KNG1: variants seen among roughly 807,000 people sequenced by gnomAD.
KNG1 encodes kininogen-1.
Under a neutral mutation model 47.8 loss-of-function variants are expected in KNG1, and 23 were observed. The observed-to-expected ratio is 0.48, with a 90% CI of 0.35 to 0.68. The LOEUF is 0.68. KNG1 is among the 30% of genes least tolerant of loss of function. The pLI, the probability that KNG1 is intolerant of heterozygous loss-of-function variation, is 0.01. For synonymous variants in KNG1, 277 were observed against 277.0 expected, an observed-to-expected ratio of 1.00 and a Z score of 0.00; for missense variants, 762 against 790.2, an observed-to-expected ratio of 0.96 and a Z score of 0.43.
intron 2 of KNG1, 140 bp from the exon 3 acceptor site, chr3:186,722,297 T>G (rs1446362365): frequency 5.8e-6 from 4 of 684,928 alleles, no homozygotes; most frequent in Non-Finnish European, 1.0e-5. Flanking sequence ...TTTATTCTCA[T>G]GTCTCAAAAC....
At chr3:186,726,274 C>CT (rs774226752) in intron 4 of KNG1, among the ~76,000 whole-genome samples, 4,502 of 113,538 alleles carry the variant, frequency 0.04, 217 homozygotes, top group African/African-American at 0.12. Context: ...GACTTTTCTT[C>CT]TTTTTTTTTT....
rs939597741 is a variant in KNG1, at chr3:186,722,763, G to T, written c.391+242G>T. Among the ~76,000 whole-genome samples, 6 of 152,180 alleles carry T rather than the reference G, an allele frequency of 3.9e-5. No homozygotes were observed. The East Asian group carries it at 1.2e-3, about 29-fold the overall frequency. ...CTGCATTGTACCCAGTGTGTGCAAG[G>T]GCTCAACAGAAGGACCAGAAGACAT... On this transcript the variant is annotated intron_variant, in intron 3 of 9. Coordinates refer to ENST00000644859, the MANE Select transcript of KNG1 (RefSeq NM_001102416.3).
intron 3 of KNG1, among the ~76,000 whole-genome samples, chr3:186,723,238 G>A (rs1560062197): frequency 6.6e-6 from 1 of 151,970 alleles, no homozygotes; most frequent in African/African-American, 2.4e-5. Flanking sequence ...TCCATCACCT[G>A]GAATAGTTAT....
chr3:186,741,874 A>G lies in KNG1; in HGVS notation c.1478A>G (p.His493Arg), dbSNP rs946732413. The change falls in exon 10 of 10, where the codon CAT becomes CGT. Residue 493 changes from histidine to arginine, a missense_variant. Coordinates refer to ENST00000644859, the MANE Select transcript of KNG1 (RefSeq NM_001102416.3). Reference protein sequence around the residue: ...LEHQGGHVLDHGHKHKHGHGH... With the variant: ...LEHQGGHVLDRGHKHKHGHGH... ...CACCAAGGGGGCCATGTCCTTGACC[A>G]TGGACATAAGCATAAGCATGGTCAT... 1.2e-6 allele frequency: 2 copies of G among 1,613,920 alleles called. No homozygotes were observed. Among genetic ancestry groups the G allele is most frequent in the African/African-American group, 2.7e-5 (2 of 74,946 alleles).
chr3:186,725,173 T>A lies in KNG1; in HGVS notation c.477T>A (p.Ile159=), dbSNP rs1720322706. The change falls in exon 4 of 10, where the codon ATT becomes ATA. Residue 159 remains isoleucine, a synonymous_variant. Coordinates refer to ENST00000644859, the MANE Select transcript of KNG1 (RefSeq NM_001102416.3). Reference sequence around the variant, plus strand: ...CGCAGAGCCCAGACCTGGAGCCCATTCTGAGACACGGCATTCAGTACTTTA... The same window carrying A: ...CGCAGAGCCCAGACCTGGAGCCCATACTGAGACACGGCATTCAGTACTTTA... ...ISTQSPDLEP[I]LRHGIQYFNN... The A allele has an allele frequency of 3.7e-6, 6 of 1,614,176 alleles. No individual in the cohort carries two copies. The highest frequency in any genetic ancestry group is 5.1e-6 in the Non-Finnish European group (6 of 1,180,034).
chr3:186,718,003 CCCA>C lies in KNG1; in HGVS notation c.195+273_195+275del, dbSNP rs1720051492. The C allele has an allele frequency of 1.2e-5, 4 of 332,266 alleles. No homozygotes were observed. The Admixed American group carries it at 1.8e-4, about 15-fold the overall frequency. 20.6% of individuals were successfully genotyped at this position (332,266 alleles called of 1,614,324 possible). A position where few individuals can be genotyped will look rare whatever the true frequency, so the allele number is the denominator to read the frequency against. The stretch of plus-strand genomic sequence containing the variant: ...CACCCACCATCATCACCCACCACCA[CCCA>C]CCACCATCACCCACCACCCACCACC... On this transcript the variant is annotated intron_variant, in intron 1 of 9. Coordinates refer to ENST00000644859, the MANE Select transcript of KNG1 (RefSeq NM_001102416.3).
At chr3:186,722,544 C>T (rs1047607619) in intron 3 of KNG1, 23 bp downstream of exon 3, 1 of 1,557,906 alleles carries the variant, frequency 6.4e-7, no homozygotes, top group Non-Finnish European at 8.8e-7. Flanking sequence ...TCCTCTGGCA[C>T]TGCCCTGGTG....
At position 186,743,805 on chromosome 3, in the gene KNG1, C is replaced by G; in HGVS notation, c.*1474C>G. 5.0e-6 allele frequency: 8 copies of G among 1,588,478 alleles called. No homozygotes were observed. The highest frequency in any genetic ancestry group is 6.9e-6 in the Non-Finnish European group (8 of 1,156,644). ...TCTTGACCAATGGGCAGAATCTTCA[C>G]TCCAGGCACATAGCCCCAACCACCT... On this transcript the variant is annotated 3_prime_UTR_variant, in exon 10 of 10. Coordinates refer to ENST00000644859, the MANE Select transcript of KNG1 (RefSeq NM_001102416.3).
At chr3:186,727,024 G>GTT (rs963866950) in intron 4 of KNG1, among the ~76,000 whole-genome samples, 19 of 151,310 alleles carry the variant, frequency 1.3e-4, no homozygotes, top group Admixed American at 6.6e-4. Flanking sequence ...CGGTGTATGT[G>GTT]TGTGTGTGTG....
Position 186,717,714 on chromosome 3 carries a change from C to T in KNG1, c.172C>T (p.Arg58Cys), listed in dbSNP as rs745827350. The change falls in exon 1 of 10, where the codon CGC (arginine) becomes TGC (cysteine). Residue 58 changes from arginine to cysteine, a missense_variant. By Grantham distance (180) the Arg-to-Cys change is radical. Transcript: ENST00000644859. ...NQSNNQFVLY[R>C]ITEATKTVGS... ...AAGTAACAACCAGTTTGTATTGTACCGCATAACTGAAGCCACTAAGACGGT... is the reference window on the plus strand; with the variant it reads ...AAGTAACAACCAGTTTGTATTGTACTGCATAACTGAAGCCACTAAGACGGT... 7 of 1,612,654 alleles carry T rather than the reference C, an allele frequency of 4.3e-6. No individual in the cohort carries two copies. The highest frequency in any genetic ancestry group is 1.7e-5 in the Admixed American group (1 of 60,012).
At chr3:186,737,515 ATATT>A (rs1334202629) in intron 7 of KNG1, among the ~76,000 whole-genome samples, 1 of 151,828 alleles carries the variant, frequency 6.6e-6, no homozygotes, top group East Asian at 1.9e-4. Context: ...GTTTTGGTGA[ATATT>A]TATTTATTTG....
Position 186,729,635 on chromosome 3 carries a change from G to A in KNG1, c.673-1910G>A, listed in dbSNP as rs563433751. On this transcript the variant is annotated intron_variant, in intron 5 of 9. Coordinates refer to ENST00000644859, the MANE Select transcript of KNG1 (RefSeq NM_001102416.3). ...AAAACACCTAGAATAGGCAAATTCAGTCAGAGACTATTGGAGTTGCTAGAA... is the reference window on the plus strand; with the variant it reads ...AAAACACCTAGAATAGGCAAATTCAATCAGAGACTATTGGAGTTGCTAGAA... Among the ~76,000 whole-genome samples the A allele has an allele frequency of 9.9e-5, 15 of 151,808 alleles. No individual in the cohort carries two copies. In the South Asian group the frequency reaches 3.1e-3, roughly 32 times the overall value.
chr3:186,730,701 T>TAC (rs1200792056), intron 5 of KNG1, among the ~76,000 whole-genome samples: 46 of 63,290 alleles, frequency 7.3e-4, no homozygotes, highest in Admixed American at 2.2e-3. Context: ...TATATATATA[T>TAC]ATATATATAT....
In KNG1 at chr3:186,725,140, T is replaced by C. The variant is rs759698417; in HGVS notation, c.444T>C (p.Pro148=). ...ACGACTGCCTCGGCTGTGTGCATCC[T>C]ATATCAACGCAGAGCCCAGACCTGG... ...AQYDCLGCVH[P]ISTQSPDLEP... Residue 148 remains proline (P), a synonymous_variant, in exon 4 of 10, where the codon CCT becomes CCC. Transcript: ENST00000644859. 6.2e-7 allele frequency: 1 copy of C among 1,614,190 alleles called. No homozygotes were observed. The highest frequency in any genetic ancestry group is 8.5e-7 in the Non-Finnish European group (1 of 1,180,038).
At chr3:186,740,004 T>C (rs1720767234) in intron 9 of KNG1, among the ~76,000 whole-genome samples, 1 of 151,220 alleles carries the variant, frequency 6.6e-6, no homozygotes, top group Non-Finnish European at 1.5e-5. Context: ...GCCGAGATCC[T>C]GCCACTGCAC....
chr3:186,732,713 CTA>C (rs1720569605), intron 7 of KNG1, 39 bp downstream of exon 7: 4 of 1,541,192 alleles, frequency 2.6e-6, no homozygotes, highest in African/African-American at 1.4e-5. Flanking sequence ...ACACTATAGT[CTA>C]TGTGCAAATT....
chr3:186,723,863 A>C (rs2108621635), intron 3 of KNG1, among the ~76,000 whole-genome samples: 1 of 152,250 alleles, frequency 6.6e-6, no homozygotes, highest in Non-Finnish European at 1.5e-5. Context: ...CATGTTGGCC[A>C]GGCTGGTCTC....
At chr3:186,727,186 G>A (rs1276378813) in intron 4 of KNG1, 51 bp from the exon 5 acceptor site, 4 of 1,220,260 alleles carry the variant, frequency 3.3e-6, no homozygotes, top group African/African-American at 1.5e-5. Context: ...ATATCCCACA[G>A]CGAATAATGT....
At chr3:186,722,766 T>C (rs1057143523) in intron 3 of KNG1, among the ~76,000 whole-genome samples, 2 of 152,138 alleles carry the variant, frequency 1.3e-5, no homozygotes, top group Non-Finnish European at 2.9e-5. Context: ...GTGCAAGGGC[T>C]CAACAGAAGG....
Sources: gnomAD v4.1 joint callset for allele counts (sites outside exome capture counted in the v4.1 genomes callset) on GRCh38, gnomAD v4.1.1 for gene constraint, MANE v1.5 for transcripts, NCBI Gene and HGNC (gene_info 2026-07-23, HGNC 2026-07-21) for gene names.